Variants in MFF observed in about 807,000 individuals in gnomAD.
MFF encodes mitochondrial fission factor.
In MFF, 12 loss-of-function variants were observed where a neutral mutation model predicts 36.9. The ratio of observed to expected loss-of-function variants is 0.33; its 90% confidence interval spans 0.21 to 0.53. The LOEUF is 0.53. MFF is among the 20% of genes least tolerant of loss of function. The pLI, the probability that MFF is intolerant of heterozygous loss-of-function variation, is 0.95. For synonymous variants in MFF, 99 were observed against 126.2 expected (o/e 0.78, Z 1.44); for missense variants, 348 against 366.6 (o/e 0.95, Z 0.42).
chr2:227,339,201 CAAAAAAA>C (rs369858631), intron 4 of MFF, among the ~76,000 whole-genome samples: 1 of 125,518 alleles, frequency 8.0e-6, no homozygotes, highest in Admixed American at 8.2e-5. Context: ...GATCCTATCT[CAAAAAAA>C]AAAAAAAAGG....
chr2:227,349,679 A>G (rs2075890836), intron 6 of MFF, among the ~76,000 whole-genome samples: 1 of 152,096 alleles, frequency 6.6e-6, no homozygotes, highest in Non-Finnish European at 1.5e-5. Context: ...TTAAGTGCCA[A>G]ATCAGTTTTT....
chr2:227,335,652 T>C (rs994759574), intron 4 of MFF, among the ~76,000 whole-genome samples: 2 of 152,248 alleles, frequency 1.3e-5, no homozygotes, highest in African/African-American at 4.8e-5. Context: ...AATTGTTGTC[T>C]GAAAGCCTGA....
At chr2:227,326,460 G>A (rs1349600118) in intron 1 of MFF, among the ~76,000 whole-genome samples, 6 of 152,116 alleles carry the variant, frequency 3.9e-5, no homozygotes, top group Non-Finnish European at 8.8e-5. Flanking sequence ...TAAATTGCTT[G>A]GGGGACCTTC....
chr2:227,340,248 C>G, intron 4 of MFF, 44 bp from the exon 5 acceptor site: 1 of 1,510,962 alleles, frequency 6.6e-7, no homozygotes, highest in Non-Finnish European at 9.2e-7. Flanking sequence ...TACTAGCCTA[C>G]TAAGAATATT....
In MFF at chr2:227,357,049, G is replaced by C; in HGVS notation, c.808G>C (p.Glu270Gln). Residue 270 changes from glutamate (E) to glutamine (Q), a missense_variant, in exon 9 of 9, where the codon GAA becomes CAA. Coordinates refer to ENST00000304593, the MANE Select transcript of MFF (RefSeq NM_001277062.2). ...GGAGAACAAAGAACGTGCTAAAAGA[G>C]AAATGGTCATGTATTCAATTACTGT... is the stretch of plus-strand genomic sequence containing the variant. Reference protein sequence around the residue: ...EEENKERAKREMVMYSITVAF... With the variant: ...EEENKERAKRQMVMYSITVAF... 1.2e-6 allele frequency: 2 copies of C among 1,613,040 alleles called. No individual in the cohort carries two copies. The highest frequency in any genetic ancestry group is 1.7e-6 in the Non-Finnish European group (2 of 1,179,938).
At chr2:227,352,344 G>T in intron 6 of MFF, 170 bp from the exon 7 acceptor site, 1 of 542,656 alleles carries the variant, frequency 1.8e-6, no homozygotes, top group Non-Finnish European at 3.3e-6. Context: ...TGATAAAATG[G>T]AGGACACATG....
chr2:227,352,177 A>G (rs976788658), intron 6 of MFF: 2 of 201,320 alleles, frequency 9.9e-6, no homozygotes, highest in Admixed American at 5.6e-5. Context: ...TCCAACTGGA[A>G]GAAAGGAATT....
chr2:227,346,298 A>G (rs2106428829), intron 5 of MFF: 1 of 167,226 alleles, frequency 6.0e-6, no homozygotes, highest in Non-Finnish European at 1.5e-5. Context: ...TTGAGCCCTC[A>G]TTCCACTGTC....
At chr2:227,341,930 C>T (rs183163538) in intron 5 of MFF, among the ~76,000 whole-genome samples, 1 of 152,172 alleles carries the variant, frequency 6.6e-6, no homozygotes, top group East Asian at 1.9e-4. Context: ...TAGCTGCATT[C>T]AGCTGAAGAG....
intron 4 of MFF, among the ~76,000 whole-genome samples, chr2:227,337,376 T>C (rs1441644999): frequency 6.6e-6 from 1 of 152,224 alleles, no homozygotes. Context: ...ATTTGTACCT[T>C]TCCCCCTTCT....
chr2:227,352,591 G>A lies in MFF; in HGVS notation c.659+18G>A, dbSNP rs186445428. On this transcript the variant is annotated intron_variant, in intron 7 of 8. Coordinates refer to ENST00000304593, the MANE Select transcript of MFF (RefSeq NM_001277062.2). ...AACGTCAGGTAAATTTTGAGACTTC[G>A]TAATTACCAGGGTAAATGCTTGGCG... The A allele has an allele frequency of 9.0e-6, 13 of 1,442,220 alleles. No individual in the cohort carries two copies. Among genetic ancestry groups the A allele is most frequent in the East Asian group, 4.6e-5 (2 of 43,682 alleles). The allele number at this position is 1,442,220 out of a possible 1,614,324, so 89.3% of individuals were successfully genotyped here.
At chr2:227,353,605 G>A (rs1378426801) in intron 7 of MFF, among the ~76,000 whole-genome samples, 2 of 152,132 alleles carry the variant, frequency 1.3e-5, no homozygotes, top group East Asian at 1.9e-4. Flanking sequence ...TTCTGTCAGA[G>A]TATTTTCAGC....
At chr2:227,326,821 T>C (rs1187281333) in intron 1 of MFF, among the ~76,000 whole-genome samples, 1 of 152,160 alleles carries the variant, frequency 6.6e-6, no homozygotes, top group Non-Finnish European at 1.5e-5. Flanking sequence ...TGTATGTTTG[T>C]TTTTGAAAAG....
chr2:227,333,533 G>T (rs1574907965), intron 4 of MFF, among the ~76,000 whole-genome samples: 1 of 152,160 alleles, frequency 6.6e-6, no homozygotes, highest in East Asian at 1.9e-4. Context: ...ACTATATGCA[G>T]TATAGGAATT....
chr2:227,341,540 C>T (rs2075391184), intron 5 of MFF, among the ~76,000 whole-genome samples: 1 of 151,920 alleles, frequency 6.6e-6, no homozygotes, highest in South Asian at 2.1e-4. Context: ...AAGATTCAAC[C>T]ATTAGTAATA....
At chr2:227,352,330 A>G in intron 6 of MFF, 184 bp from the exon 7 acceptor site, 3 of 532,512 alleles carry the variant, frequency 5.6e-6, no homozygotes, top group Non-Finnish European at 6.7e-6. Context: ...TGAGTTTATG[A>G]AAATGATAAA....
At chr2:227,351,900 G>A (rs73994254) in intron 6 of MFF, 24,058 of 152,204 alleles carry the variant, frequency 0.16, 2,041 homozygotes, top group African/African-American at 0.22. Flanking sequence ...GCTCTAGCAC[G>A]TCTCCTGATC....
At position 227,356,953 on chromosome 2, in the gene MFF, A is replaced by ATTATATTTTTG. The variant is rs562656318; in HGVS notation, c.745-23_745-22insGTTATATTTTT. 3.7e-4 allele frequency: 583 copies of ATTATATTTTTG among 1,559,024 alleles called. 3 individuals are homozygous for ATTATATTTTTG. The African/African-American group carries it at 6.7e-3, about 18-fold the overall frequency. On this transcript the variant is annotated intron_variant, in intron 8 of 8. Transcript: ENST00000304593. ...TTGCCCTATTCATTAAAGCCTCTAT[A>ATTATATTTTTG]TTATATTTTTTGTGTGTTTGTTTTT...
intron 5 of MFF, chr2:227,346,379 T>A (rs2075714498): frequency 6.0e-6 from 1 of 166,544 alleles, no homozygotes. Flanking sequence ...TCCCTGAAAA[T>A]ACTGACACAG....
Sources: gnomAD v4.1 joint callset for allele counts (sites outside exome capture counted in the v4.1 genomes callset) on GRCh38, gnomAD v4.1.1 for gene constraint, MANE v1.5 for transcripts, NCBI Gene and HGNC (gene_info 2026-07-23, HGNC 2026-07-21) for gene names.